Variants in POU2F1 observed in about 807,000 individuals in gnomAD.
POU2F1 encodes the protein POU class 2 homeobox 1, also known as POU domain, class 2, transcription factor 1.
A neutral mutation model predicts 84.9 loss-of-function variants in POU2F1; 16 were observed. That is an observed-to-expected ratio of 0.19 (90% CI 0.13 to 0.29). POU2F1 has a LOEUF of 0.29. Among genes scored for constraint, POU2F1 ranks in the 10% least tolerant of loss-of-function variants. POU2F1 has a pLI of 1.00. For missense variants in POU2F1, 738 were observed against 942.6 expected, an observed-to-expected ratio of 0.78 and a Z score of 2.84; for synonymous variants, 368 against 368.3, an observed-to-expected ratio of 1.00 and a Z score of 0.01.
At chr1:167,361,165 GTTTA>G (rs1359314318) in intron 2 of POU2F1, among the ~76,000 whole-genome samples, 2 of 151,930 alleles carry the variant, frequency 1.3e-5, no homozygotes, top group Non-Finnish European at 2.9e-5. Flanking sequence ...TTTAGATGCT[GTTTA>G]TTTGTTTCTC....
At chr1:167,248,718 A>G (rs1420664037) in intron 1 of POU2F1, among the ~76,000 whole-genome samples, 1 of 152,320 alleles carries the variant, frequency 6.6e-6, no homozygotes, top group East Asian at 1.9e-4. Flanking sequence ...GAACAAACAC[A>G]AGAGCATCTA....
intron 1 of POU2F1, among the ~76,000 whole-genome samples, chr1:167,324,027 G>A (rs1225610823): frequency 6.6e-6 from 1 of 151,924 alleles, no homozygotes; most frequent in Non-Finnish European, 1.5e-5. Context: ...ATAAACCAAG[G>A]AAAAGAATAG....
chr1:167,295,394 T>C (rs977249206), intron 1 of POU2F1, among the ~76,000 whole-genome samples: 2 of 152,220 alleles, frequency 1.3e-5, no homozygotes, highest in African/African-American at 4.8e-5. Flanking sequence ...TGGTTGGAGC[T>C]GCAGGCCATT....
chr1:167,230,100 A>T (rs2102338017), intron 1 of POU2F1, among the ~76,000 whole-genome samples: 1 of 152,314 alleles, frequency 6.6e-6, no homozygotes, highest in Admixed American at 6.5e-5. Context: ...GCTATAATTT[A>T]TCCTGAGACT....
intron 1 of POU2F1, among the ~76,000 whole-genome samples, chr1:167,298,176 CG>C (rs1557876498): frequency 6.6e-6 from 1 of 151,868 alleles, no homozygotes; most frequent in Admixed American, 6.6e-5. Context: ...AGAGCAAGAA[CG>C]AGGAGCCTGT....
intron 5 of POU2F1, among the ~76,000 whole-genome samples, chr1:167,373,575 T>C (rs578204821): frequency 4.6e-5 from 7 of 152,154 alleles, no homozygotes; most frequent in East Asian, 3.9e-4. Context: ...ACAGAAAAGA[T>C]TGTGTTAGGG....
intron 1 of POU2F1, among the ~76,000 whole-genome samples, chr1:167,316,938 C>G (rs1655947549): frequency 6.6e-6 from 1 of 152,178 alleles, no homozygotes; most frequent in Non-Finnish European, 1.5e-5. Flanking sequence ...GTCACCCAGG[C>G]TGGAGTGCAG....
At chr1:167,360,300 T>C (rs1571367457) in intron 2 of POU2F1, among the ~76,000 whole-genome samples, 1 of 152,344 alleles carries the variant, frequency 6.6e-6, no homozygotes, top group South Asian at 2.1e-4. Context: ...GAGTATCTCC[T>C]AGGTTTTCTT....
At chr1:167,243,439 AAAAAG>A (rs1650060311) in intron 1 of POU2F1, among the ~76,000 whole-genome samples, 1 of 152,184 alleles carries the variant, frequency 6.6e-6, no homozygotes, top group African/African-American at 2.4e-5. Flanking sequence ...TCTCAAAGTG[AAAAAG>A]TAAGTATGAA....
intron 1 of POU2F1, among the ~76,000 whole-genome samples, chr1:167,238,713 A>G (rs146629232): frequency 2.1e-4 from 32 of 152,372 alleles, no homozygotes; most frequent in African/African-American, 6.5e-4. Flanking sequence ...TCTTTAGGCA[A>G]TCTTCCATAA....
intron 9 of POU2F1, among the ~76,000 whole-genome samples, chr1:167,390,407 C>T (rs1295808607): frequency 1.3e-5 from 2 of 152,110 alleles, no homozygotes; most frequent in Non-Finnish European, 2.9e-5. Context: ...GACCTCAGTA[C>T]TTCATATGTA....
chr1:167,243,429 T>C (rs1241713531), intron 1 of POU2F1, among the ~76,000 whole-genome samples: 1 of 152,344 alleles, frequency 6.6e-6, no homozygotes, highest in East Asian at 1.9e-4. Flanking sequence ...GACTTGGAAC[T>C]CTCAAAGTGA....
Position 167,416,373 on chromosome 1 carries a change from T to TA in POU2F1, c.*564dup, listed in dbSNP as rs1650323495. The stretch of plus-strand genomic sequence containing the variant: ...TGGTACAATTTAGGCAGGCCTGTAT[T>TA]ACTGTATTATTATTGTTGTTGTTGT... On this transcript the variant is annotated 3_prime_UTR_variant, in exon 16 of 16. Transcript: ENST00000367866. 9.8e-6 allele frequency: 2 copies of TA among 203,910 alleles called. No individual in the cohort carries two copies. 12.6% of individuals were successfully genotyped at this position (203,910 alleles called of 1,614,324 possible).
chr1:167,235,912 C>A (rs551799176), intron 1 of POU2F1, among the ~76,000 whole-genome samples: 3 of 152,150 alleles, frequency 2.0e-5, no homozygotes, highest in African/African-American at 7.2e-5. Flanking sequence ...CATAAACTTT[C>A]TTTAACAGAA....
chr1:167,331,046 G>A (rs1289265185), intron 1 of POU2F1, among the ~76,000 whole-genome samples: 1 of 152,008 alleles, frequency 6.6e-6, no homozygotes, highest in African/African-American at 2.4e-5. Flanking sequence ...TCAAACCTTA[G>A]TATGCTTTCA....
chr1:167,309,608 T>C (rs914802859), intron 1 of POU2F1, among the ~76,000 whole-genome samples: 2 of 152,284 alleles, frequency 1.3e-5, no homozygotes, highest in East Asian at 3.9e-4. Flanking sequence ...TTAAAGTAAA[T>C]TGGACAAATT....
At chr1:167,382,755 A>G (rs1303604239) in intron 7 of POU2F1, among the ~76,000 whole-genome samples, 1 of 152,224 alleles carries the variant, frequency 6.6e-6, no homozygotes, top group Non-Finnish European at 1.5e-5. Flanking sequence ...CAGATCAGCA[A>G]AAGTCAGGGT....
chr1:167,313,428 T>C (rs1448459796), intron 1 of POU2F1, among the ~76,000 whole-genome samples: 1 of 152,186 alleles, frequency 6.6e-6, no homozygotes, highest in Non-Finnish European at 1.5e-5. Context: ...TCAAGACTTA[T>C]TATATAGCCA....
intron 1 of POU2F1, among the ~76,000 whole-genome samples, chr1:167,317,729 A>G (rs920775771): frequency 2.9e-4 from 44 of 152,316 alleles, no homozygotes; most frequent in African/African-American, 7.9e-4. Flanking sequence ...CGGTAAACCA[A>G]CAACCTTCAG....
Sources: allele counts gnomAD v4.1 joint callset (sites outside exome capture counted in the v4.1 genomes callset), GRCh38; gene constraint gnomAD v4.1.1; transcripts MANE v1.5; gene names NCBI Gene and HGNC (gene_info 2026-07-23, HGNC 2026-07-21).